The following TRMT2B variants were observed in gnomAD, a reference collection of about 807,000 sequenced individuals.
TRMT2B encodes tRNA methyltransferase 2B.
TRMT2B carries 34 observed loss-of-function variants against 39.7 expected under a neutral mutation model. That is an observed-to-expected ratio of 0.86 (90% CI 0.65 to 1.14). TRMT2B has a LOEUF of 1.14. Among genes scored for constraint, TRMT2B ranks in the 50% most tolerant of loss-of-function variants. The pLI is 0.00. For missense variants in TRMT2B, 318 were observed against 377.2 expected, an observed-to-expected ratio of 0.84 and a Z score of 1.30; for synonymous variants, 132 against 137.3, an observed-to-expected ratio of 0.96 and a Z score of 0.27.
downstream of TRMT2B, among the ~76,000 whole-genome samples, chrX:101,006,524 C>T (rs1251384101): frequency 9.0e-6 from 1 of 110,582 alleles, no homozygotes; most frequent in African/African-American, 3.3e-5. Flanking sequence ...AAGAGTTGGC[C>T]GGGCGCAGTG....
intron 13 of TRMT2B, among the ~76,000 whole-genome samples, chrX:101,017,320 C>G (rs144167345): frequency 3.6e-4 from 40 of 111,467 alleles, no homozygotes; most frequent in African/African-American, 1.2e-3. Context: ...CTCATCAAAT[C>G]TACAGGTTTT....
chrX:101,051,289 C>A lies in TRMT2B; in HGVS notation c.-62G>T. The A allele has an allele frequency of 6.6e-6, 5 of 753,795 alleles. No individual in the cohort carries two copies. Among genetic ancestry groups the A allele is most frequent in the Non-Finnish European group, 7.8e-6 (5 of 639,305 alleles). 62.1% of individuals were successfully genotyped at this position (753,795 alleles called of 1,213,427 possible). On this transcript the variant is annotated 5_prime_UTR_variant, in exon 2 of 14. Coordinates refer to ENST00000372936, the MANE Select transcript of TRMT2B (RefSeq NM_024917.6). ...AGGATCCCTTTTGGAGCAAAATGTT[C>A]ACCCACCGACAAGGGTCCTGCTTGC...
At chrX:101,015,670 T>C in intron 13 of TRMT2B, 1 of 730,943 alleles carries the variant, frequency 1.4e-6, no homozygotes, top group Non-Finnish European at 1.6e-6. Flanking sequence ...GTCTTTGTGA[T>C]GTGAACTGCA....
At chrX:100,988,622 T>C in the TRMT2B span, 7 of 823,848 alleles carry the variant, frequency 8.5e-6, no homozygotes, top group African/African-American at 2.2e-5. Flanking sequence ...ATTTCTACAA[T>C]AGTATTCCAA....
At chrX:101,004,588 A>G (rs2086088554), downstream of TRMT2B, among the ~76,000 whole-genome samples, 1 of 108,840 alleles carries the variant, frequency 9.2e-6, no homozygotes, top group Non-Finnish European at 1.9e-5. Flanking sequence ...TGCAATCTCC[A>G]CCTCCCGGGT....
chrX:101,033,542 C>A (rs1489940795), intron 7 of TRMT2B, among the ~76,000 whole-genome samples: 1 of 109,902 alleles, frequency 9.1e-6, no homozygotes, highest in Non-Finnish European at 1.9e-5. Context: ...CTGCAGTGAT[C>A]CAAGATCTCG....
chrX:100,987,532 C>T, the TRMT2B span: 11 of 1,209,380 alleles, frequency 9.1e-6, no homozygotes, highest in Non-Finnish European at 1.2e-5. Context: ...AACACAGGCT[C>T]TGGAGAAAGA....
At position 101,022,065 on chromosome X, in the gene TRMT2B, G is replaced by T. The variant is rs1169588301; in HGVS notation, c.757-3C>A. ...TCCTTCTGAACATGGAGCTCCTCCTGCCCAGACCATAAAATTAGCAGTTAA... is the reference window on the plus strand; with the variant it reads ...TCCTTCTGAACATGGAGCTCCTCCTTCCCAGACCATAAAATTAGCAGTTAA... On this transcript the variant is annotated splice_polypyrimidine_tract_variant and splice_region_variant and intron_variant, in intron 8 of 13. Coordinates refer to ENST00000372936, the MANE Select transcript of TRMT2B (RefSeq NM_024917.6). 8.4e-7 allele frequency: 1 copy of T among 1,195,108 alleles called. No homozygotes were observed. The highest frequency in any genetic ancestry group is 3.0e-5 in the East Asian group (1 of 33,735).
the TRMT2B span, among the ~76,000 whole-genome samples, chrX:100,974,352 CTCTA>C: frequency 5.5e-5 from 6 of 109,032 alleles, no homozygotes; most frequent in African/African-American, 2.0e-4. Context: ...CACACACATA[CTCTA>C]TCTCTCTCTG....
At chrX:101,050,809 C>T (rs944217574) in intron 2 of TRMT2B, among the ~76,000 whole-genome samples, 3 of 110,391 alleles carry the variant, frequency 2.7e-5, no homozygotes, top group Non-Finnish European at 5.7e-5. Flanking sequence ...TTTGGGAGGC[C>T]GAGGCAGCCG....
Position 101,020,479 on chromosome X carries a change from C to G in TRMT2B, c.1168+8G>C. The G allele has an allele frequency of 8.5e-7, 1 of 1,177,747 alleles. No homozygotes were observed. Among genetic ancestry groups the G allele is most frequent in the Non-Finnish European group, 1.2e-6 (1 of 865,023 alleles). On this transcript the variant is annotated splice_region_variant and intron_variant, in intron 11 of 13. Transcript: ENST00000372936. ...CCTTAATTTCTACACAGACTGTAAG[C>G]TGTGTACCATTGAAGGCTGCAGTCC...
chrX:101,049,783 C>CA (rs60650761), intron 2 of TRMT2B, among the ~76,000 whole-genome samples: 1 of 82,924 alleles, frequency 1.2e-5, no homozygotes, highest in Non-Finnish European at 2.4e-5. Context: ...GACTCCTTCT[C>CA]AAAAAAAAAA....
the TRMT2B span, among the ~76,000 whole-genome samples, chrX:100,982,361 G>A: frequency 1.8e-5 from 2 of 110,595 alleles, no homozygotes; most frequent in East Asian, 5.7e-4. Flanking sequence ...GTGTGGTGGT[G>A]GGGGCCTGTA....
rs1369323350 is a variant in TRMT2B, at chrX:101,011,435, C to A, written c.1389-728G>T. Among the ~76,000 whole-genome samples, 8 of 111,447 alleles carry A rather than the reference C, an allele frequency of 7.2e-5. No homozygotes were observed. The East Asian group carries it at 2.0e-3, about 27-fold the overall frequency. On this transcript the variant is annotated intron_variant, in intron 13 of 13. Coordinates refer to ENST00000372936, the MANE Select transcript of TRMT2B (RefSeq NM_024917.6). ...AGTGAGACCCCATCTCTACAAAATTCTAATTTTAATTTTTAACTGATTTTA... is the reference window on the plus strand; with the variant it reads ...AGTGAGACCCCATCTCTACAAAATTATAATTTTAATTTTTAACTGATTTTA...
Position 101,019,003 on chromosome X carries a change from C to T in TRMT2B, c.1356G>A (p.Lys452=). ...AIHTLVFVSC[K]LHGESTRNVI... ...CATTCCTAGTGGATTCACCATGGAG[C>T]TTGCAGGAAACAAAAACTAGCGTGT... The change falls in exon 13 of 14, where the codon AAG becomes AAA. Residue 452 remains lysine, a synonymous_variant. Transcript: ENST00000372936. 8.3e-7 allele frequency: 1 copy of T among 1,207,632 alleles called. No homozygotes were observed. The highest frequency in any genetic ancestry group is 2.3e-4 in the Middle Eastern group (1 of 4,346).
At chrX:101,042,447 T>C (rs968813966) in intron 2 of TRMT2B, 135 bp from the exon 3 acceptor site, 10 of 667,783 alleles carry the variant, frequency 1.5e-5, no homozygotes, top group Non-Finnish European at 2.1e-5. Context: ...AAAGCAAGCC[T>C]GTTGAGCAGA....
intron 7 of TRMT2B, among the ~76,000 whole-genome samples, chrX:101,029,218 C>T (rs1395430010): frequency 9.0e-6 from 1 of 110,941 alleles, no homozygotes; most frequent in African/African-American, 3.3e-5. Context: ...ATGTTTTTCC[C>T]TCAGACCTTT....
At chrX:100,983,178 C>A in the TRMT2B span, among the ~76,000 whole-genome samples, 2 of 110,665 alleles carry the variant, frequency 1.8e-5, no homozygotes, top group Non-Finnish European at 3.8e-5. Flanking sequence ...AGGGAACAAC[C>A]GCTCACAGCA....
chrX:101,007,752 AGG>A (rs2086125672), downstream of TRMT2B, among the ~76,000 whole-genome samples: 1 of 111,152 alleles, frequency 9.0e-6, no homozygotes, highest in African/African-American at 3.3e-5. Flanking sequence ...TTTTCTTAAG[AGG>A]GTCTTGCTAT....
Sources: allele counts gnomAD v4.1 joint callset (sites outside exome capture counted in the v4.1 genomes callset), GRCh38; gene constraint gnomAD v4.1.1; transcripts MANE v1.5; gene names NCBI Gene and HGNC (gene_info 2026-07-23, HGNC 2026-07-21).